The following ATG16L1 variants were observed in gnomAD, a reference collection of about 807,000 sequenced individuals.
ATG16L1 encodes autophagy-related protein 16-1.
ATG16L1 carries 37 observed loss-of-function variants against 88.5 expected under a neutral mutation model. The observed-to-expected ratio is 0.42, with a 90% CI of 0.32 to 0.55. The LOEUF (loss-of-function observed/expected upper bound fraction) is 0.55, where lower values mean the gene tolerates loss of function less well. Among genes scored for constraint, ATG16L1 ranks in the 20% least tolerant of loss-of-function variants. The pLI, the probability that ATG16L1 is intolerant of heterozygous loss-of-function variation, is 0.13. For missense variants in ATG16L1, 554 were observed against 752.8 expected, an observed-to-expected ratio of 0.74 and a Z score of 3.09; for synonymous variants, 301 against 281.0, an observed-to-expected ratio of 1.07 and a Z score of -0.71.
chr2:233,256,708 C>CT (rs1696803972), intron 2 of ATG16L1, among the ~76,000 whole-genome samples: 2 of 100,250 alleles, frequency 2.0e-5, no homozygotes, highest in African/African-American at 3.8e-5. Context: ...TTTTTTTTTT[C>CT]TTTTTTGAGA....
In ATG16L1 at chr2:233,263,193, G is replaced by A; in HGVS notation, c.273G>A (p.Lys91=). The part of the protein sequence containing the change: ...QLQEMAQLRI[K]HQEELTELHK... ...AAGAAATGGCCCAACTGAGGATTAA[G>A]CACCAAGAGGAACTGACTGAATTAC... The change falls in exon 3 of 18, where the codon AAG becomes AAA. Residue 91 remains lysine (K), a synonymous_variant. Coordinates refer to ENST00000392017, the MANE Select transcript of ATG16L1 (RefSeq NM_030803.7). The A allele has an allele frequency of 1.2e-6, 2 of 1,614,128 alleles. No homozygotes were observed. The highest frequency in any genetic ancestry group is 1.7e-6 in the Non-Finnish European group (2 of 1,180,026).
chr2:233,291,623 G>A (rs1699467452), intron 14 of ATG16L1, among the ~76,000 whole-genome samples: 1 of 152,168 alleles, frequency 6.6e-6, no homozygotes, highest in African/African-American at 2.4e-5. Flanking sequence ...GAGAAGAAGA[G>A]GGAGGTGCGT....
chr2:233,289,711 G>A lies in ATG16L1; in HGVS notation c.1204-143G>A, dbSNP rs1699330729. 2.3e-5 allele frequency: 25 copies of A among 1,105,924 alleles called. No individual in the cohort carries two copies. The Admixed American group carries it at 5.7e-4, about 25-fold the overall frequency. The allele number at this position is 1,105,924 out of a possible 1,614,324, so 68.5% of individuals were successfully genotyped here. ...CTGACCTGTTTCTTTTTCCTTTGCTGTCTTATCGCTTTGAGTGTTCCTGGC... is the reference window on the plus strand; with the variant it reads ...CTGACCTGTTTCTTTTTCCTTTGCTATCTTATCGCTTTGAGTGTTCCTGGC... On this transcript the variant is annotated intron_variant, in intron 12 of 17. Transcript: ENST00000392017.
chr2:233,289,954 G>A lies in ATG16L1; in HGVS notation c.1304G>A (p.Trp435Ter). Residue 435 changes from tryptophan (W) to a stop codon, truncating the protein, a stop_gained, in exon 13 of 18, where the codon TGG becomes TAG. Coordinates refer to ENST00000392017, the MANE Select transcript of ATG16L1 (RefSeq NM_030803.7). LOFTEE classifies it high-confidence loss of function. ...SGSHDRTLKL[W>*]DLRSKVCIKT... ...AGTCACGACCGGACTCTCAAACTCT[G>A]GGATCTACGCAGCAAAGTCTGTGAG... The A allele has an allele frequency of 6.2e-7, 1 of 1,614,128 alleles. No homozygotes were observed. Among genetic ancestry groups the A allele is most frequent in the Non-Finnish European group, 8.5e-7 (1 of 1,179,984 alleles).
At chr2:233,272,551 A>C (rs139212520) in intron 6 of ATG16L1, among the ~76,000 whole-genome samples, 471 of 152,198 alleles carry the variant, frequency 3.1e-3, no homozygotes, top group Non-Finnish European at 5.5e-3. Flanking sequence ...TACCCTAGGT[A>C]CCCCTCAGCC....
At chr2:233,252,094 T>G in intron 1 of ATG16L1, 152 bp downstream of exon 1, 1 of 568,756 alleles carries the variant, frequency 1.8e-6, no homozygotes, top group Non-Finnish European at 2.9e-6. Context: ...CGCACGCCTT[T>G]TAAATGTTTT....
chr2:233,273,996 C>T, intron 8 of ATG16L1: 1 of 1,551,284 alleles, frequency 6.4e-7, no homozygotes, highest in Non-Finnish European at 8.7e-7. Flanking sequence ...TTTAGTCTGT[C>T]CGAGTCTCCC....
chr2:233,254,136 A>G (rs1696613045), intron 1 of ATG16L1, among the ~76,000 whole-genome samples: 1 of 151,856 alleles, frequency 6.6e-6, no homozygotes, highest in African/African-American at 2.4e-5. Context: ...ACACAAATGG[A>G]ATGTTTTCCT....
chr2:233,268,449 ACT>A (rs1358798401), intron 5 of ATG16L1, among the ~76,000 whole-genome samples: 1 of 152,000 alleles, frequency 6.6e-6, no homozygotes, highest in Non-Finnish European at 1.5e-5. Context: ...ACAGAGAGAG[ACT>A]CTGTTTGAGC....
intron 5 of ATG16L1, among the ~76,000 whole-genome samples, chr2:233,268,855 C>T (rs1488702628): frequency 6.6e-6 from 1 of 152,206 alleles, no homozygotes; most frequent in Non-Finnish European, 1.5e-5. Context: ...GAGGACTTTC[C>T]TTCATTTTGA....
In ATG16L1 at chr2:233,294,939, C is replaced by G. The variant is rs1699708169; in HGVS notation, c.*589C>G. Reference sequence around the variant, plus strand: ...GAGCTTTCTGGCTCTCTTTCCCCCACAAAATTCGACATATTTAAAAATCTC... The same window carrying G: ...GAGCTTTCTGGCTCTCTTTCCCCCAGAAAATTCGACATATTTAAAAATCTC... On this transcript the variant is annotated 3_prime_UTR_variant, in exon 18 of 18. Coordinates refer to ENST00000392017, the MANE Select transcript of ATG16L1 (RefSeq NM_030803.7). The G allele has an allele frequency of 6.6e-6, 1 of 152,048 alleles. No individual in the cohort carries two copies. The highest frequency in any genetic ancestry group is 1.5e-5 in the Non-Finnish European group (1 of 67,920). The allele number at this position is 152,048 out of a possible 1,614,324, so 9.4% of individuals were successfully genotyped here.
intron 2 of ATG16L1, among the ~76,000 whole-genome samples, chr2:233,260,311 G>A (rs1321594633): frequency 6.6e-6 from 1 of 152,218 alleles, no homozygotes; most frequent in East Asian, 1.9e-4. Flanking sequence ...GAAACTGTTA[G>A]AAACGAAGAT....
chr2:233,254,467 C>G (rs1259300806), intron 1 of ATG16L1, among the ~76,000 whole-genome samples: 2 of 152,180 alleles, frequency 1.3e-5, no homozygotes, highest in Admixed American at 1.3e-4. Context: ...AGCCTGGAGT[C>G]TATTCTCTGT....
At chr2:233,274,004 C>A (rs1698169601) in intron 8 of ATG16L1, 1 of 1,551,186 alleles carries the variant, frequency 6.4e-7, no homozygotes, top group Non-Finnish European at 8.7e-7. Flanking sequence ...GTCCGAGTCT[C>A]CCCTTTTGGG....
chr2:233,281,715 G>A (rs1414432466), intron 11 of ATG16L1, among the ~76,000 whole-genome samples: 1 of 152,192 alleles, frequency 6.6e-6, no homozygotes. Context: ...GAGGAGGTTG[G>A]GCTGGGCGAG....
intron 11 of ATG16L1, 31 bp from the exon 12 acceptor site, chr2:233,282,651 A>G (rs771767478): frequency 6.3e-7 from 1 of 1,597,460 alleles, no homozygotes; most frequent in Admixed American, 1.7e-5. Context: ...ATTTGGCTAA[A>G]AATTGGTTTT....
intron 10 of ATG16L1, among the ~76,000 whole-genome samples, chr2:233,278,019 A>G (rs1213385084): frequency 2.6e-5 from 4 of 152,252 alleles, no homozygotes; most frequent in Admixed American, 6.5e-5. Flanking sequence ...TGAGGAAAAT[A>G]AGTCTTATGA....
Position 233,292,109 on chromosome 2 carries a change from G to A in ATG16L1, c.1431-19G>A. ...GTTCTGGCCTACGTTACATTTCTCA[G>A]ATCTGTTCTCCCTCTTAGATCAGAG... On this transcript the variant is annotated intron_variant, in intron 14 of 17. Coordinates refer to ENST00000392017, the MANE Select transcript of ATG16L1 (RefSeq NM_030803.7). 1 of 1,613,260 alleles carries A rather than the reference G, an allele frequency of 6.2e-7. No homozygotes were observed. The highest frequency in any genetic ancestry group is 8.5e-7 in the Non-Finnish European group (1 of 1,179,526).
At chr2:233,256,027 T>C in intron 1 of ATG16L1, 75 bp from the exon 2 acceptor site, 2 of 1,212,608 alleles carry the variant, frequency 1.6e-6, no homozygotes, top group African/African-American at 3.0e-5. Context: ...CTTCAATACA[T>C]GACAAGGTAG....
Sources: gnomAD v4.1 joint callset for allele counts (sites outside exome capture counted in the v4.1 genomes callset) on GRCh38, gnomAD v4.1.1 for gene constraint, MANE v1.5 for transcripts, NCBI Gene and HGNC (gene_info 2026-07-23, HGNC 2026-07-21) for gene names.